The following NTRK2 variants were observed in gnomAD, a reference collection of about 807,000 sequenced individuals.
The protein encoded by NTRK2 is BDNF/NT-3 growth factors receptor.
A neutral mutation model predicts 94.5 loss-of-function variants in NTRK2; 13 were observed. The ratio of observed to expected loss-of-function variants is 0.14; its 90% CI spans 0.09 to 0.22. The LOEUF is 0.22. NTRK2 is among the 10% of genes least tolerant of loss of function. NTRK2 has a pLI of 1.00. For missense variants in NTRK2, 639 were observed against 1,071.2 expected (o/e 0.60, Z 5.63); for synonymous variants, 372 against 407.4 (o/e 0.91, Z 1.05).
At chr9:84,996,695 C>T (rs1829791480) in intron 17 of NTRK2, among the ~76,000 whole-genome samples, 1 of 152,114 alleles carries the variant, frequency 6.6e-6, no homozygotes, top group Non-Finnish European at 1.5e-5. Context: ...AGCTGCTGGC[C>T]TTGGGAAGGT....
intron 14 of NTRK2, among the ~76,000 whole-genome samples, chr9:84,891,313 T>TTTTTTTTTTTTTTTTTGAGAC (rs1305909168): frequency 6.6e-6 from 1 of 151,262 alleles, no homozygotes; most frequent in African/African-American, 2.4e-5. Flanking sequence ...TGCATTCTTT[T>TTTTTTTTTTTTTTTTTGAGAC]GGTTAAAATA....
intron 16 of NTRK2, among the ~76,000 whole-genome samples, chr9:84,953,909 G>T (rs1346552337): frequency 1.3e-5 from 2 of 152,230 alleles, no homozygotes; most frequent in African/African-American, 4.8e-5. Context: ...TCTGGTGACA[G>T]AATGATTCCC....
At chr9:84,941,175 G>A (rs969363860) in intron 15 of NTRK2, among the ~76,000 whole-genome samples, 1 of 152,160 alleles carries the variant, frequency 6.6e-6, no homozygotes, top group Non-Finnish European at 1.5e-5. Context: ...TAATAGACTA[G>A]ATTTCTATTG....
chr9:84,899,449 T>C (rs888935930), intron 14 of NTRK2, among the ~76,000 whole-genome samples: 12 of 152,166 alleles, frequency 7.9e-5, no homozygotes, highest in African/African-American at 2.7e-4. Context: ...CTAATCCTTA[T>C]CCTTTACTTT....
At chr9:84,958,784 A>T (rs1313533607) in intron 17 of NTRK2, among the ~76,000 whole-genome samples, 2 of 152,198 alleles carry the variant, frequency 1.3e-5, no homozygotes, top group Non-Finnish European at 2.9e-5. Flanking sequence ...TGTCAGAATG[A>T]TGGTTCACCT....
At chr9:84,930,647 C>T (rs573931576) in intron 14 of NTRK2, among the ~76,000 whole-genome samples, 1 of 152,206 alleles carries the variant, frequency 6.6e-6, no homozygotes, top group African/African-American at 2.4e-5. Flanking sequence ...AAATAAGGAG[C>T]TTGTGGAGTC....
intron 2 of NTRK2, among the ~76,000 whole-genome samples, chr9:84,699,665 T>G (rs35725744): frequency 0.048 from 6,940 of 145,030 alleles, 220 homozygotes; most frequent in African/African-American, 0.086. Context: ...ATGTGTGTGT[T>G]TTTTTTTTTT....
chr9:84,743,864 G>T (rs2063844248), intron 10 of NTRK2, among the ~76,000 whole-genome samples: 1 of 152,202 alleles, frequency 6.6e-6, no homozygotes, highest in African/African-American at 2.4e-5. Flanking sequence ...AAAGGAAAAT[G>T]ATGAGAATGT....
chr9:84,876,568 T>C, intron 14 of NTRK2: 1 of 1,056,662 alleles, frequency 9.5e-7, no homozygotes, highest in South Asian at 4.6e-5. Context: ...TTGAGCCAGA[T>C]GGACTAACTG....
At chr9:84,873,068 C>T (rs200330296) in intron 14 of NTRK2, 141 of 1,063,202 alleles carry the variant, frequency 1.3e-4, no homozygotes, top group Non-Finnish European at 1.5e-4. Context: ...TCAAAGAGTG[C>T]GGGGCCCCTC....
At chr9:84,773,633 G>A (rs765027120) in intron 12 of NTRK2, among the ~76,000 whole-genome samples, 19 of 152,098 alleles carry the variant, frequency 1.2e-4, no homozygotes, top group East Asian at 3.9e-4. Flanking sequence ...TATGGGGCAC[G>A]TCTGAAGTTC....
chr9:84,952,704 G>A (rs1264519690), intron 16 of NTRK2, among the ~76,000 whole-genome samples: 1 of 152,142 alleles, frequency 6.6e-6, no homozygotes, highest in Non-Finnish European at 1.5e-5. Context: ...CAAATACCCA[G>A]ATATAAACAG....
chr9:85,020,491 C>A, intron 18 of NTRK2, 127 bp downstream of exon 18: 1 of 956,266 alleles, frequency 1.0e-6, no homozygotes, highest in Non-Finnish European at 1.7e-6. Context: ...TTGGTGGCAG[C>A]ACTTCCCAAG....
intron 17 of NTRK2, among the ~76,000 whole-genome samples, chr9:84,993,985 C>A (rs993662259): frequency 6.6e-6 from 1 of 152,094 alleles, no homozygotes; most frequent in African/African-American, 2.4e-5. Flanking sequence ...TTGTGCAAAC[C>A]AATATTTAGC....
intron 14 of NTRK2, among the ~76,000 whole-genome samples, chr9:84,888,886 C>A (rs1393221123): frequency 6.6e-6 from 1 of 151,464 alleles, no homozygotes; most frequent in Admixed American, 6.6e-5. Context: ...ACAAGTCACA[C>A]AACCTGCTTT....
intron 12 of NTRK2, among the ~76,000 whole-genome samples, chr9:84,848,569 C>T (rs930373578): frequency 2.7e-4 from 41 of 152,252 alleles, no homozygotes; most frequent in African/African-American, 9.6e-4. Flanking sequence ...AGGCAAGAGA[C>T]CTTTATGGAA....
chr9:84,817,147 C>G (rs559580546), intron 12 of NTRK2, among the ~76,000 whole-genome samples: 40 of 152,282 alleles, frequency 2.6e-4, no homozygotes, highest in African/African-American at 9.1e-4. Context: ...GTGGGACACT[C>G]GGTATTGCTA....
At chr9:84,999,239 C>T (rs1210212412) in intron 17 of NTRK2, among the ~76,000 whole-genome samples, 5 of 152,120 alleles carry the variant, frequency 3.3e-5, no homozygotes, top group Non-Finnish European at 5.9e-5. Flanking sequence ...TTACAATTGC[C>T]TGGGCTCCTT....
intron 14 of NTRK2, among the ~76,000 whole-genome samples, chr9:84,924,229 TAGAAAGAAAGAAAGAAAGAAAGAAAGAA>T (rs774882842): frequency 6.6e-4 from 76 of 115,684 alleles, no homozygotes; most frequent in African/African-American, 2.3e-3. Context: ...AGAAAGAAAG[TAGAAAGAAAGAAAGAAAGAAAGAAAGAA>T]AGAAAGAAAG....
Sources: allele counts gnomAD v4.1 joint callset (sites outside exome capture counted in the v4.1 genomes callset), GRCh38; gene constraint gnomAD v4.1.1; transcripts MANE v1.5; gene names NCBI Gene and HGNC (gene_info 2026-07-23, HGNC 2026-07-21).